PXDNL: variants seen among roughly 807,000 people sequenced by gnomAD.
PXDNL encodes the protein peroxidasin like.
In PXDNL, 145 loss-of-function variants were observed where a neutral mutation model predicts 150.8. The observed-to-expected ratio is 0.96, with a 90% confidence interval of 0.84 to 1.10. PXDNL has a LOEUF of 1.10. PXDNL is among the 50% of genes least tolerant of loss of function. The pLI, the probability that PXDNL is intolerant of heterozygous loss-of-function variation, is 0.00. For missense variants in PXDNL, 2,087 were observed against 1,873.9 expected (o/e 1.11, Z -2.10); for synonymous variants, 757 against 725.7 (o/e 1.04, Z -0.69).
intron 4 of PXDNL, among the ~76,000 whole-genome samples, chr8:51,534,071 G>C (rs933951942): frequency 6.9e-6 from 1 of 144,874 alleles, no homozygotes; most frequent in African/African-American, 2.8e-5. Flanking sequence ...ATCCCATCTA[G>C]GAAGTGAGGC....
chr8:51,701,859 C>G (rs894477091), intron 1 of PXDNL, among the ~76,000 whole-genome samples: 1 of 152,118 alleles, frequency 6.6e-6, no homozygotes, highest in African/African-American at 2.4e-5. Flanking sequence ...TCCAGTGGTT[C>G]TTGGATGGGA....
At chr8:51,631,732 A>C (rs1814491554) in intron 2 of PXDNL, among the ~76,000 whole-genome samples, 1 of 152,190 alleles carries the variant, frequency 6.6e-6, no homozygotes, top group South Asian at 2.1e-4. Context: ...TTATGTTCAC[A>C]GGCACACCAT....
In PXDNL at chr8:51,537,839, GT is replaced by G. The variant is rs200018628; in HGVS notation, c.380+19000del. ...TTTTCATGCGGTGCCCAAAAAAGAG[GT>G]TTTACCAGTGTTAGACTCATGAGAA... On this transcript the variant is annotated intron_variant, in intron 4 of 22. Coordinates refer to ENST00000356297, the MANE Select transcript of PXDNL (RefSeq NM_144651.5). 4.5e-3 allele frequency among the ~76,000 whole-genome samples: 691 copies of G among 152,190 alleles called. 4 individuals are homozygous for G. The highest frequency in any genetic ancestry group is 0.01 in the Middle Eastern group (3 of 294).
intron 2 of PXDNL, among the ~76,000 whole-genome samples, chr8:51,611,422 T>G (rs1478155244): frequency 1.3e-5 from 2 of 152,220 alleles, no homozygotes; most frequent in Non-Finnish European, 2.9e-5. Flanking sequence ...TTTAGACCTT[T>G]TAAGGAGTCT....
At chr8:51,582,512 C>T (rs987029596) in intron 3 of PXDNL, among the ~76,000 whole-genome samples, 2 of 152,246 alleles carry the variant, frequency 1.3e-5, no homozygotes, top group East Asian at 1.9e-4. Flanking sequence ...CACAAAAACA[C>T]TTGTCTATAT....
chr8:51,457,816 C>T (rs1586123032), intron 8 of PXDNL, 149 bp from the exon 9 acceptor site: 1 of 554,526 alleles, frequency 1.8e-6, no homozygotes, highest in East Asian at 3.3e-5. Flanking sequence ...AATTATTTCA[C>T]TTTAAATCCT....
intron 1 of PXDNL, among the ~76,000 whole-genome samples, chr8:51,689,072 G>A (rs1037573508): frequency 3.9e-5 from 6 of 152,188 alleles, no homozygotes; most frequent in Admixed American, 3.3e-4. Flanking sequence ...CCCAACAGGC[G>A]CACTCCTGGG....
chr8:51,502,579 A>ACGAGC (rs1811208662), intron 4 of PXDNL, among the ~76,000 whole-genome samples: 1 of 152,204 alleles, frequency 6.6e-6, no homozygotes, highest in South Asian at 2.1e-4. Flanking sequence ...GAAAGGAGTC[A>ACGAGC]CGAGCCGGGT....
rs148661005 is a variant in PXDNL at position 51,478,984 on chromosome 8, T to A, written c.525-3843A>T. ...TCAAAATAACAAACCAAAAAAATCA[T>A]CTTAAAACATTTGGAATAAGCACAG... is the stretch of plus-strand genomic sequence containing the variant. On this transcript the variant is annotated intron_variant, in intron 6 of 22. Coordinates refer to ENST00000356297, the MANE Select transcript of PXDNL (RefSeq NM_144651.5). 2.4e-3 allele frequency among the ~76,000 whole-genome samples: 369 copies of A among 152,220 alleles called. 3 individuals are homozygous for A. The highest frequency in any genetic ancestry group is 0.019 in the Admixed American group (293 of 15,290).
intron 1 of PXDNL, among the ~76,000 whole-genome samples, chr8:51,740,119 G>A (rs118116493): frequency 1.1e-4 from 17 of 151,906 alleles, no homozygotes; most frequent in East Asian, 3.9e-4. Context: ...ATGTTACTAC[G>A]TCCCAAATCG....
chr8:51,494,587 C>A (rs1368164209), intron 5 of PXDNL, among the ~76,000 whole-genome samples: 3 of 152,050 alleles, frequency 2.0e-5, no homozygotes, highest in Non-Finnish European at 4.4e-5. Flanking sequence ...GGAAGAAGAT[C>A]TACCAAGCAA....
intron 1 of PXDNL, among the ~76,000 whole-genome samples, chr8:51,780,098 A>C (rs2037395959): frequency 6.6e-6 from 1 of 152,062 alleles, no homozygotes; most frequent in African/African-American, 2.4e-5. Flanking sequence ...GTAATCCCAA[A>C]CTACTGAGGA....
Position 51,711,296 on chromosome 8 carries a change from C to T in PXDNL, c.165-56536G>A, listed in dbSNP as rs188983011. On this transcript the variant is annotated intron_variant, in intron 1 of 22. Transcript: ENST00000356297. Reference sequence around the variant, plus strand: ...GGGATTACAGGCACACACCACTATGCCTGGCTAATTTTTGTATTTTCAGTA... The same window carrying T: ...GGGATTACAGGCACACACCACTATGTCTGGCTAATTTTTGTATTTTCAGTA... Among the ~76,000 whole-genome samples, 4 of 152,254 alleles carry T rather than the reference C, an allele frequency of 2.6e-5. No individual in the cohort carries two copies. The East Asian group carries it at 7.7e-4, about 29-fold the overall frequency.
intron 6 of PXDNL, among the ~76,000 whole-genome samples, chr8:51,480,717 G>C (rs774800095): frequency 1.2e-4 from 18 of 152,146 alleles, no homozygotes; most frequent in Admixed American, 3.3e-4. Context: ...CCCCCATACT[G>C]TTCTCATGGT....
chr8:51,346,198 G>A (rs1441630638), intron 19 of PXDNL, among the ~76,000 whole-genome samples: 3 of 152,198 alleles, frequency 2.0e-5, no homozygotes, highest in Non-Finnish European at 4.4e-5. Context: ...CAGAACCTCT[G>A]GAGGAGCCCC....
At chr8:51,731,116 A>G (rs1187411260) in intron 1 of PXDNL, among the ~76,000 whole-genome samples, 1 of 152,204 alleles carries the variant, frequency 6.6e-6, no homozygotes, top group Admixed American at 6.5e-5. Context: ...CATTAATACA[A>G]AAGTCCACAA....
At position 51,400,371 on chromosome 8, in the gene PXDNL, A is replaced by T. The variant is rs60898127; in HGVS notation, c.3557+7696T>A. Among the ~76,000 whole-genome samples, 823 of 152,266 alleles carry T rather than the reference A, an allele frequency of 5.4e-3. 6 individuals are homozygous for T. Among genetic ancestry groups the T allele is most frequent in the African/African-American group, 0.019 (797 of 41,538 alleles). On this transcript the variant is annotated intron_variant, in intron 17 of 22. Transcript: ENST00000356297. Reference sequence around the variant, plus strand: ...TGTGGCATCATGATAGTACTAAAAAATTTTGGATTTTTGATTTTTGAGCAT... The same window carrying T: ...TGTGGCATCATGATAGTACTAAAAATTTTTGGATTTTTGATTTTTGAGCAT...
chr8:51,556,400 G>T (rs560034232), intron 4 of PXDNL, among the ~76,000 whole-genome samples: 1 of 152,254 alleles, frequency 6.6e-6, no homozygotes. Context: ...TCTAATGTCA[G>T]TTAAAAGCTT....
intron 2 of PXDNL, among the ~76,000 whole-genome samples, chr8:51,595,531 T>C (rs1813545201): frequency 6.6e-6 from 1 of 152,178 alleles, no homozygotes; most frequent in African/African-American, 2.4e-5. Flanking sequence ...GGCAATCATG[T>C]TGGTCTGTTC....
Sources: allele counts gnomAD v4.1 joint callset (sites outside exome capture counted in the v4.1 genomes callset), GRCh38; gene constraint gnomAD v4.1.1; transcripts MANE v1.5; gene names NCBI Gene and HGNC (gene_info 2026-07-23, HGNC 2026-07-21).